CAMSAP2: variants seen among roughly 807,000 people sequenced by gnomAD.
The protein encoded by CAMSAP2 is calmodulin regulated spectrin associated protein family member 2.
Under a neutral mutation model 146.1 loss-of-function variants are expected in CAMSAP2, and 26 were observed. The ratio of observed to expected loss-of-function variants is 0.18; its 90% CI spans 0.13 to 0.25. The LOEUF is 0.25. Ranked by LOEUF, CAMSAP2 falls within the 10% of genes least tolerant of loss-of-function variation. The pLI is 1.00. For missense variants in CAMSAP2, 1,381 were observed against 1,759.3 expected, an observed-to-expected ratio of 0.78 and a Z score of 3.85; for synonymous variants, 499 against 596.6, an observed-to-expected ratio of 0.84 and a Z score of 2.38.
At chr1:200,768,958 G>C (rs1665037073) in intron 2 of CAMSAP2, among the ~76,000 whole-genome samples, 1 of 152,094 alleles carries the variant, frequency 6.6e-6, no homozygotes, top group South Asian at 2.1e-4. Context: ...TGGCTGGAGA[G>C]ACCTCGTTAA....
chr1:200,755,347 C>A (rs533108866), intron 1 of CAMSAP2, among the ~76,000 whole-genome samples: 187 of 152,324 alleles, frequency 1.2e-3, no homozygotes, highest in Non-Finnish European at 2.0e-3. Flanking sequence ...TTTATAATGA[C>A]ACTTCCCATT....
intron 6 of CAMSAP2, among the ~76,000 whole-genome samples, chr1:200,838,033 A>G (rs1187883307): frequency 6.6e-6 from 1 of 152,204 alleles, no homozygotes; most frequent in Non-Finnish European, 1.5e-5. Flanking sequence ...AAGCTTTTAA[A>G]TGAATTAATC....
chr1:200,787,698 A>G (rs995365736), intron 2 of CAMSAP2, among the ~76,000 whole-genome samples: 1 of 152,196 alleles, frequency 6.6e-6, no homozygotes, highest in African/African-American at 2.4e-5. Flanking sequence ...AAGAAGTTCT[A>G]CTGTGGGTAA....
At chr1:200,767,477 CT>C (rs11298176) in intron 2 of CAMSAP2, among the ~76,000 whole-genome samples, 97,875 of 138,064 alleles carry the variant, frequency 0.71, 34,474 homozygotes, top group Middle Eastern at 0.77. Flanking sequence ...TGTTGTCCCT[CT>C]TTTTTTTTTT....
chr1:200,843,018 TA>T (rs1421891699), intron 7 of CAMSAP2, among the ~76,000 whole-genome samples: 1 of 149,894 alleles, frequency 6.7e-6, no homozygotes, highest in African/African-American at 2.5e-5. Context: ...TTTATTTCTA[TA>T]GGGGGAAAAA....
chr1:200,804,352 C>T (rs1666116745), intron 2 of CAMSAP2, among the ~76,000 whole-genome samples: 1 of 151,726 alleles, frequency 6.6e-6, no homozygotes, highest in Non-Finnish European at 1.5e-5. Context: ...TACACATTTC[C>T]CTTATTTTTA....
intron 3 of CAMSAP2, among the ~76,000 whole-genome samples, chr1:200,812,127 C>A (rs766333649): frequency 2.6e-4 from 40 of 152,128 alleles, no homozygotes; most frequent in Non-Finnish European, 5.1e-4. Context: ...TTTTCTTAAT[C>A]ATTTAATTTT....
At chr1:200,762,724 T>C (rs751945315) in intron 2 of CAMSAP2, among the ~76,000 whole-genome samples, 27 of 152,238 alleles carry the variant, frequency 1.8e-4, no homozygotes, top group Admixed American at 5.2e-4. Context: ...ACATGTTTTC[T>C]ACATTTTTTT....
At chr1:200,835,666 C>T (rs1226941524) in intron 6 of CAMSAP2, among the ~76,000 whole-genome samples, 1 of 152,126 alleles carries the variant, frequency 6.6e-6, no homozygotes, top group Non-Finnish European at 1.5e-5. Context: ...ACACCCTTGC[C>T]ATTCATATCA....
intron 2 of CAMSAP2, among the ~76,000 whole-genome samples, chr1:200,781,387 T>C (rs1665424310): frequency 6.6e-6 from 1 of 152,204 alleles, no homozygotes; most frequent in African/African-American, 2.4e-5. Context: ...AGCTGCCTTA[T>C]ATAAATTATC....
At chr1:200,777,657 T>G (rs181202564) in intron 2 of CAMSAP2, among the ~76,000 whole-genome samples, 425 of 152,268 alleles carry the variant, frequency 2.8e-3, no homozygotes, top group African/African-American at 9.4e-3. Context: ...CTTCAAGTTC[T>G]TAATAGGAAA....
At chr1:200,774,208 G>A (rs1449162394) in intron 2 of CAMSAP2, among the ~76,000 whole-genome samples, 2 of 151,944 alleles carry the variant, frequency 1.3e-5, no homozygotes, top group African/African-American at 2.4e-5. Context: ...ATGTGATTTA[G>A]TGGAATAAAA....
chr1:200,789,262 A>G (rs1355191540), intron 2 of CAMSAP2, among the ~76,000 whole-genome samples: 1 of 152,128 alleles, frequency 6.6e-6, no homozygotes, highest in Non-Finnish European at 1.5e-5. Flanking sequence ...TGCCAAGCCC[A>G]ATATTATCTA....
At chr1:200,809,560 G>A (rs1020002732) in intron 3 of CAMSAP2, among the ~76,000 whole-genome samples, 8 of 152,088 alleles carry the variant, frequency 5.3e-5, no homozygotes, top group Non-Finnish European at 1.0e-4. Flanking sequence ...GCGAAACTCC[G>A]TCTCTACTAA....
At position 200,832,452 on chromosome 1, in the gene CAMSAP2, A is replaced by T; in HGVS notation, c.787+111A>T. 9.6e-7 allele frequency: 1 copy of T among 1,040,718 alleles called. No homozygotes were observed. The highest frequency in any genetic ancestry group is 1.3e-6 in the Non-Finnish European group (1 of 743,658). 64.5% of individuals were successfully genotyped at this position (1,040,718 alleles called of 1,614,324 possible). The stretch of plus-strand genomic sequence containing the variant: ...TGACTGAGTGGGACCCTGTCTCAAA[A>T]AAAAGACAATATTATTTAATAAGTA... On this transcript the variant is annotated intron_variant, in intron 5 of 16. Transcript: ENST00000358823. The surrounding 1 kb of genome is among the most constrained non-coding windows in gnomAD (Gnocchi z 4.2).
At chr1:200,784,743 G>A (rs75314187) in intron 2 of CAMSAP2, among the ~76,000 whole-genome samples, 421 of 152,148 alleles carry the variant, frequency 2.8e-3, no homozygotes, top group African/African-American at 9.3e-3. Context: ...TCTGCTCCCC[G>A]CTTCTTATTG....
chr1:200,761,217 T>G lies in CAMSAP2; in HGVS notation c.399+119T>G, dbSNP rs1664791420. 3.2e-6 allele frequency: 3 copies of G among 948,272 alleles called. No individual in the cohort carries two copies. The South Asian group carries it at 5.1e-5, about 16-fold the overall frequency. The allele number at this position is 948,272 out of a possible 1,614,324, so 58.7% of individuals were successfully genotyped here. A position where few individuals can be genotyped will look rare whatever the true frequency, so the allele number is the denominator to read the frequency against. The stretch of plus-strand genomic sequence containing the variant: ...ATTGGATTGTATTTTTGCCTAGAGT[T>G]TACAACTCATCTTTTTCTTAACCTT... On this transcript the variant is annotated intron_variant, in intron 2 of 16. Coordinates refer to ENST00000358823, the MANE Select transcript of CAMSAP2 (RefSeq NM_203459.4).
At chr1:200,802,944 C>G (rs1666074092) in intron 2 of CAMSAP2, among the ~76,000 whole-genome samples, 1 of 152,176 alleles carries the variant, frequency 6.6e-6, no homozygotes, top group Admixed American at 6.5e-5. Context: ...CAGCTCTCAC[C>G]CAGTAAAGTC....
intron 7 of CAMSAP2, 95 bp from the exon 8 acceptor site, chr1:200,844,687 T>A: frequency 1.7e-6 from 1 of 590,182 alleles, no homozygotes. Flanking sequence ...GAAAGGGAAA[T>A]AGAAGTTAAA....
Sources: allele counts gnomAD v4.1 joint callset (sites outside exome capture counted in the v4.1 genomes callset), GRCh38; gene constraint gnomAD v4.1.1; non-coding constraint Gnocchi (gnomAD v3.1); transcripts MANE v1.5; gene names NCBI Gene and HGNC (gene_info 2026-07-23, HGNC 2026-07-21).